The following CCDC170 variants were observed in gnomAD, a reference collection of about 807,000 sequenced individuals.
CCDC170 encodes coiled-coil domain-containing protein 170.
A neutral mutation model predicts 72.6 loss-of-function variants in CCDC170; 69 were observed. That is an observed-to-expected ratio of 0.95 (90% confidence interval 0.78 to 1.16). The LOEUF is 1.16. Ranked by LOEUF, CCDC170 falls within the 50% of genes most tolerant of loss-of-function variation. The pLI is 0.00. For synonymous variants in CCDC170, 300 were observed against 303.9 expected, an observed-to-expected ratio of 0.99 and a Z score of 0.13; for missense variants, 852 against 832.5, an observed-to-expected ratio of 1.02 and a Z score of -0.29.
In CCDC170 at chr6:151,533,341, G is replaced by A. The variant is rs551794387; in HGVS notation, c.58-2977G>A. Among the ~76,000 whole-genome samples, 448 of 151,566 alleles carry A rather than the reference G, an allele frequency of 3.0e-3. 2 individuals carry two copies. The highest frequency in any genetic ancestry group is 3.8e-3 in the African/African-American group (159 of 41,388). ...AGTGCTGGGATTACAGGTGTGAGCC[G>A]CCGCACCTGGCCGACTATTTCATTC... On this transcript the variant is annotated intron_variant, in intron 1 of 10. Transcript: ENST00000239374.
chr6:151,621,090 A>G lies in CCDC170; in HGVS notation c.*2943A>G, dbSNP rs1010928133. On this transcript the variant is annotated 3_prime_UTR_variant, in exon 11 of 11. Coordinates refer to ENST00000239374, the MANE Select transcript of CCDC170 (RefSeq NM_025059.4). ...GAAAAGGGTATATGAAATGGGAACA[A>G]TAAATTCTGTACATGTATACAGTCC... 1 of 152,246 alleles carries G rather than the reference A, an allele frequency of 6.6e-6. No homozygotes were observed. The highest frequency in any genetic ancestry group is 1.5e-5 in the Non-Finnish European group (1 of 68,044). 9.4% of individuals were successfully genotyped at this position (152,246 alleles called of 1,614,324 possible).
intron 5 of CCDC170, among the ~76,000 whole-genome samples, chr6:151,557,440 G>A (rs1398580161): frequency 6.6e-6 from 1 of 151,942 alleles, no homozygotes; most frequent in African/African-American, 2.4e-5. Context: ...TTCATCCGTT[G>A]GTGGACACTT....
At chr6:151,539,729 T>C (rs1440847831) in intron 3 of CCDC170, among the ~76,000 whole-genome samples, 1 of 152,228 alleles carries the variant, frequency 6.6e-6, no homozygotes, top group Non-Finnish European at 1.5e-5. Flanking sequence ...CATATCTTAC[T>C]AGCTACTGTA....
intron 1 of CCDC170, among the ~76,000 whole-genome samples, chr6:151,498,170 G>T (rs1040480952): frequency 1.3e-5 from 2 of 152,018 alleles, no homozygotes; most frequent in Non-Finnish European, 2.9e-5. Flanking sequence ...AGCTCCAGTA[G>T]ATACCATTGT....
Position 151,552,779 on chromosome 6 carries a change from C to CTTTT in CCDC170, c.774+4315_774+4318dup, listed in dbSNP as rs71014597. ...CTAAAACCAGCCAAATCAGCCAATT[C>CTTTT]TTTTTTTTTTTTTTTTTTTTTTTTT... is the stretch of plus-strand genomic sequence containing the variant. On this transcript the variant is annotated intron_variant, in intron 5 of 10. Transcript: ENST00000239374. Among the ~76,000 whole-genome samples the CTTTT allele has an allele frequency of 1.4e-4, 8 of 56,706 alleles. 1 individual carries two copies. Among genetic ancestry groups the CTTTT allele is most frequent in the African/African-American group, 4.0e-4 (6 of 14,936 alleles). The allele number at this position is 56,706 out of a possible 152,430, so 37.2% of individuals were successfully genotyped here. A position where few individuals can be genotyped will look rare whatever the true frequency, so the allele number is the denominator to read the frequency against.
chr6:151,566,238 A>G (rs1776135241), intron 5 of CCDC170, among the ~76,000 whole-genome samples: 1 of 152,200 alleles, frequency 6.6e-6, no homozygotes, highest in Non-Finnish European at 1.5e-5. Flanking sequence ...CATGGGCCTG[A>G]GCAGGAGAAA....
intron 1 of CCDC170, among the ~76,000 whole-genome samples, chr6:151,509,013 CTCAA>C (rs1165585872): frequency 5.0e-5 from 1 of 20,004 alleles, no homozygotes; most frequent in Non-Finnish European, 8.0e-5. Flanking sequence ...GAAACTCCTT[CTCAA>C]AAAAAAAAAA....
chr6:151,539,118 G>T (rs1311590518), intron 3 of CCDC170, among the ~76,000 whole-genome samples: 1 of 152,038 alleles, frequency 6.6e-6, no homozygotes, highest in Admixed American at 6.6e-5. Flanking sequence ...AAATTAGCTG[G>T]GCGTGGTGCC....
chr6:151,543,792 G>C (rs1410462586), intron 3 of CCDC170, among the ~76,000 whole-genome samples: 3 of 152,102 alleles, frequency 2.0e-5, no homozygotes, highest in African/African-American at 7.2e-5. Flanking sequence ...TGCCACTCCT[G>C]ACAGGATTTC....
chr6:151,599,655 G>A (rs147035952), intron 9 of CCDC170, among the ~76,000 whole-genome samples: 32 of 152,156 alleles, frequency 2.1e-4, no homozygotes, highest in African/African-American at 7.2e-4. Flanking sequence ...AGAAGAAACA[G>A]AGAGAGAGAT....
At chr6:151,510,079 C>T (rs1356195297) in intron 1 of CCDC170, among the ~76,000 whole-genome samples, 1 of 152,056 alleles carries the variant, frequency 6.6e-6, no homozygotes, top group Non-Finnish European at 1.5e-5. Context: ...GAAAAGATTG[C>T]ACCACAGCCT....
At position 151,583,015 on chromosome 6, in the gene CCDC170, C is replaced by T. The variant is rs188844436; in HGVS notation, c.1093-2874C>T. 7.6e-3 allele frequency among the ~76,000 whole-genome samples: 774 copies of T among 101,256 alleles called. 11 individuals are homozygous for T. The highest frequency in any genetic ancestry group is 0.032 in the African/African-American group (731 of 23,190). The allele number at this position is 101,256 out of a possible 152,430, so 66.4% of individuals were successfully genotyped here. A position where few individuals can be genotyped will look rare whatever the true frequency, so the allele number is the denominator to read the frequency against. The stretch of plus-strand genomic sequence containing the variant: ...TTTTTTTTTTTTTTTTTTTTTGAGA[C>T]GGAGTCTTGCTCTGTCACCCAGGCT... On this transcript the variant is annotated intron_variant, in intron 6 of 10. Coordinates refer to ENST00000239374, the MANE Select transcript of CCDC170 (RefSeq NM_025059.4).
At chr6:151,548,771 G>A (rs899447689) in intron 5 of CCDC170, among the ~76,000 whole-genome samples, 8 of 152,066 alleles carry the variant, frequency 5.3e-5, no homozygotes, top group Non-Finnish European at 1.0e-4. Flanking sequence ...CCAGACTGGA[G>A]TGCAGTGGCA....
intron 5 of CCDC170, among the ~76,000 whole-genome samples, chr6:151,561,917 A>C (rs975398208): frequency 6.6e-6 from 1 of 152,088 alleles, no homozygotes; most frequent in Non-Finnish European, 1.5e-5. Flanking sequence ...TCATTTTTAA[A>C]ATTATTTTTA....
Position 151,593,171 on chromosome 6 carries a change from G to T in CCDC170, c.1358G>T (p.Gly453Val), listed in dbSNP as rs1432083080. 6.2e-7 allele frequency: 1 copy of T among 1,614,184 alleles called. No individual in the cohort carries two copies. Among genetic ancestry groups the T allele is most frequent in the South Asian group, 1.1e-5 (1 of 91,088 alleles). The change falls in exon 8 of 11, where the codon GGC becomes GTC. Residue 453 changes from glycine to valine, a missense_variant. Coordinates refer to ENST00000239374, the MANE Select transcript of CCDC170 (RefSeq NM_025059.4). Reference sequence around the variant, plus strand: ...TTGGACCAGATGGCTGCCGAACTTGGCTTTGACATGCGGCTGGACGTGGTT... The same window carrying T: ...TTGGACCAGATGGCTGCCGAACTTGTCTTTGACATGCGGCTGGACGTGGTT... ...MKLDQMAAEL[G>V]FDMRLDVVLA...
chr6:151,549,619 G>T (rs1351089945), intron 5 of CCDC170, among the ~76,000 whole-genome samples: 1 of 151,880 alleles, frequency 6.6e-6, no homozygotes, highest in Non-Finnish European at 1.5e-5. Flanking sequence ...TAGAGACGGG[G>T]TCTCACTATG....
In CCDC170 at chr6:151,573,381, G is replaced by A; in HGVS notation, c.982G>A (p.Glu328Lys). 1 of 1,614,152 alleles carries A rather than the reference G, an allele frequency of 6.2e-7. No individual in the cohort carries two copies. Among genetic ancestry groups the A allele is most frequent in the Non-Finnish European group, 8.5e-7 (1 of 1,180,028 alleles). ...TSQSQYFSFR[E>K]KIAALLRGRL... ...ACAAAGCCAGTACTTCTCATTTAGG[G>A]AGAAAATCGCAGCCCTCCTTAGGGG... Residue 328 changes from glutamate to lysine, a missense_variant, in exon 6 of 11, where the codon GAG (glutamate) becomes AAG (lysine). Coordinates refer to ENST00000239374, the MANE Select transcript of CCDC170 (RefSeq NM_025059.4).
chr6:151,560,697 C>T (rs1007276965), intron 5 of CCDC170, among the ~76,000 whole-genome samples: 2 of 152,016 alleles, frequency 1.3e-5, no homozygotes, highest in African/African-American at 2.4e-5. Context: ...GAATTGAGCC[C>T]TTTATCATCA....
intron 5 of CCDC170, among the ~76,000 whole-genome samples, chr6:151,563,262 C>T (rs1438184866): frequency 1.3e-5 from 2 of 152,192 alleles, no homozygotes; most frequent in African/African-American, 2.4e-5. Context: ...TTCACTGGCC[C>T]CTAGTGGGAA....
Sources: gnomAD v4.1 joint callset for allele counts (sites outside exome capture counted in the v4.1 genomes callset) on GRCh38, gnomAD v4.1.1 for gene constraint, MANE v1.5 for transcripts, NCBI Gene and HGNC (gene_info 2026-07-23, HGNC 2026-07-21) for gene names.